Variants in MYO9B observed in about 807,000 individuals in gnomAD.
MYO9B encodes myosin IXB, also known as unconventional myosin-IXb.
A neutral mutation model predicts 229.5 loss-of-function variants in MYO9B; 71 were observed. The ratio of observed to expected loss-of-function variants is 0.31; its 90% CI spans 0.26 to 0.38. MYO9B has a LOEUF of 0.38. Ranked by LOEUF, MYO9B falls within the 10% of genes least tolerant of loss-of-function variation. The pLI is 1.00. For synonymous variants in MYO9B, 1,185 were observed against 1,235.8 expected (o/e 0.96, Z 0.86); for missense variants, 2,255 against 2,920.5 (o/e 0.77, Z 5.25).
At chr19:17,133,004 G>A (rs1424675729) in intron 2 of MYO9B, among the ~76,000 whole-genome samples, 3 of 151,782 alleles carry the variant, frequency 2.0e-5, no homozygotes, top group African/African-American at 4.8e-5. Context: ...CCGCCACCAC[G>A]CCCGGCTAAT....
At chr19:17,190,087 A>T (rs2072965343) in intron 19 of MYO9B, among the ~76,000 whole-genome samples, 1 of 149,802 alleles carries the variant, frequency 6.7e-6, no homozygotes, top group Admixed American at 6.7e-5. Context: ...AAAAAAGATT[A>T]CAGACTGTTG....
chr19:17,179,489 C>T (rs958239225), intron 14 of MYO9B, among the ~76,000 whole-genome samples: 13 of 137,194 alleles, frequency 9.5e-5, no homozygotes, highest in African/African-American at 1.9e-4. Flanking sequence ...TGCAGTGGTG[C>T]GATCTCGGCT....
rs142274055 is a variant in MYO9B at position 17,210,353 on chromosome 19, G to C, written c.5769G>C (p.Gly1923=). 1 of 1,599,370 alleles carries C rather than the reference G, an allele frequency of 6.3e-7. No homozygotes were observed. Among genetic ancestry groups the C allele is most frequent in the East Asian group, 2.2e-5 (1 of 44,506 alleles). The change falls in exon 37 of 40, where the codon GGG becomes GGC. Residue 1923 remains glycine (G), a synonymous_variant. Coordinates refer to ENST00000682292, the MANE Select transcript of MYO9B (RefSeq NM_004145.4). ...CCCAGCCATGGCCTCTCAAACTGGGGTTTTCGTCTCCCTATGAGGGGGTCC... is the reference window on the plus strand; with the variant it reads ...CCCAGCCATGGCCTCTCAAACTGGGCTTTTCGTCTCCCTATGAGGGGGTCC... ...RQNAPWPLKL[G]FSSPYEGVLN...
rs1270133419 is a variant in MYO9B at position 17,102,162 on chromosome 19, G to T, written c.445G>T (p.Asp149Tyr). ...CCTGCCACGGCAGCAGGCGGACTTT[G>T]ATGACCTGTGTAACCTCCCCGAGCT... ...GLLPRQQADF[D>Y]DLCNLPELTE... is the part of the protein sequence containing the mutation. Residue 149 changes from aspartate to tyrosine, a missense_variant, in exon 2 of 40, where the codon GAT becomes TAT. Around this residue, in one of 7 missense-constraint regions of MYO9B, gnomAD observed 386 missense variants for 515.2 expected, o/e 0.75. Transcript: ENST00000682292. 6.2e-7 allele frequency: 1 copy of T among 1,613,818 alleles called. No homozygotes were observed. The highest frequency in any genetic ancestry group is 1.7e-5 in the Admixed American group (1 of 60,038).
chr19:17,197,554 G>C (rs956954276), intron 22 of MYO9B, among the ~76,000 whole-genome samples: 3 of 152,148 alleles, frequency 2.0e-5, no homozygotes, highest in Non-Finnish European at 2.9e-5. Context: ...CTGGGGTGGA[G>C]ACCATTCTCT....
chr19:17,199,975 A>G (rs1356282252), intron 24 of MYO9B, among the ~76,000 whole-genome samples: 1 of 149,920 alleles, frequency 6.7e-6, no homozygotes, highest in East Asian at 2.0e-4. Context: ...GGGTTCAAGC[A>G]ATTCTCCTGC....
chr19:17,181,608 G>A (rs2072861721), intron 15 of MYO9B, among the ~76,000 whole-genome samples: 1 of 152,160 alleles, frequency 6.6e-6, no homozygotes, highest in African/African-American at 2.4e-5. Context: ...CCAGCACCAG[G>A]CAGGCAGCAG....
intron 1 of MYO9B, among the ~76,000 whole-genome samples, chr19:17,096,197 C>G (rs1600033751): frequency 6.6e-6 from 1 of 152,252 alleles, no homozygotes; most frequent in Admixed American, 6.5e-5. Context: ...ATGGTGTGGT[C>G]AGTGTGTTCA....
chr19:17,148,871 A>C (rs1022278886), intron 3 of MYO9B, among the ~76,000 whole-genome samples: 2 of 151,694 alleles, frequency 1.3e-5, no homozygotes, highest in Non-Finnish European at 2.9e-5. Context: ...GGTGTGAGCC[A>C]CCACGCCCGA....
intron 2 of MYO9B, among the ~76,000 whole-genome samples, chr19:17,144,176 A>G (rs772109825): frequency 6.6e-5 from 10 of 152,126 alleles, no homozygotes; most frequent in Non-Finnish European, 1.5e-4. Flanking sequence ...AGATCATGCC[A>G]CTACACTCCA....
chr19:17,122,271 G>T (rs1272072987), intron 2 of MYO9B, among the ~76,000 whole-genome samples: 1 of 152,186 alleles, frequency 6.6e-6, no homozygotes. Flanking sequence ...AGGCGCAGTG[G>T]CTCAGGCCTG....
At chr19:17,120,615 G>A (rs909494781) in intron 2 of MYO9B, among the ~76,000 whole-genome samples, 27 of 134,560 alleles carry the variant, frequency 2.0e-4, no homozygotes, top group African/African-American at 6.3e-4. Context: ...TTCCAGCCTC[G>A]GCAACAGAGC....
chr19:17,128,055 G>A, intron 2 of MYO9B, among the ~76,000 whole-genome samples: 1 of 152,026 alleles, frequency 6.6e-6, no homozygotes. Context: ...AGGATCCACT[G>A]AATCTTGCAA....
chr19:17,101,668 C>A lies in MYO9B; in HGVS notation c.-50C>A. 6.7e-7 allele frequency: 1 copy of A among 1,494,486 alleles called. No individual in the cohort carries two copies. 92.6% of individuals were successfully genotyped at this position (1,494,486 alleles called of 1,614,324 possible). A position where few individuals can be genotyped will look rare whatever the true frequency, so the allele number is the denominator to read the frequency against. ...TCTGACCTCCCTTCTAGCTCCAGGACACGCGCGCCCCGAGCCTGGGAGGCA... is the reference window on the plus strand; with the variant it reads ...TCTGACCTCCCTTCTAGCTCCAGGAAACGCGCGCCCCGAGCCTGGGAGGCA... On this transcript the variant is annotated 5_prime_UTR_variant, in exon 2 of 40. Coordinates refer to ENST00000682292, the MANE Select transcript of MYO9B (RefSeq NM_004145.4). The surrounding 1 kb of genome is among the most constrained non-coding windows in gnomAD (Gnocchi z 4.7).
intron 2 of MYO9B, among the ~76,000 whole-genome samples, chr19:17,114,380 C>T (rs79950055): frequency 1.3e-5 from 2 of 152,094 alleles, no homozygotes; most frequent in Non-Finnish European, 2.9e-5. Flanking sequence ...TGTGCCTCCT[C>T]ACCTCTCACT....
chr19:17,181,582 C>T (rs2072861426), intron 15 of MYO9B, among the ~76,000 whole-genome samples: 1 of 152,182 alleles, frequency 6.6e-6, no homozygotes, highest in African/African-American at 2.4e-5. Context: ...GACTCTCATG[C>T]TTCCATTATG....
At chr19:17,182,873 G>A (rs904627505) in intron 15 of MYO9B, among the ~76,000 whole-genome samples, 1 of 152,068 alleles carries the variant, frequency 6.6e-6, no homozygotes, top group Non-Finnish European at 1.5e-5. Context: ...AGGTGTCTGA[G>A]AACACAGGAG....
intron 2 of MYO9B, among the ~76,000 whole-genome samples, chr19:17,133,902 A>G (rs1421580223): frequency 6.6e-6 from 1 of 152,128 alleles, no homozygotes; most frequent in Non-Finnish European, 1.5e-5. Flanking sequence ...CTGAGACTAT[A>G]GGCACCCGCC....
chr19:17,184,666 G>A, intron 16 of MYO9B, 199 bp from the exon 17 acceptor site: 8 of 573,460 alleles, frequency 1.4e-5, no homozygotes, highest in East Asian at 3.0e-5. Flanking sequence ...CGGAACCAGC[G>A]CTGTGTGCAA....
Sources: allele counts gnomAD v4.1 joint callset (sites outside exome capture counted in the v4.1 genomes callset), GRCh38; gene constraint gnomAD v4.1.1; regional missense constraint gnomAD v4.1.1; non-coding constraint Gnocchi (gnomAD v3.1); transcripts MANE v1.5; gene names NCBI Gene and HGNC (gene_info 2026-07-23, HGNC 2026-07-21).